The following SLC4A4 variants were observed in gnomAD, a reference collection of about 807,000 sequenced individuals.
The protein encoded by SLC4A4 is solute carrier family 4 member 4.
SLC4A4 carries 27 observed loss-of-function variants against 111.5 expected under a neutral mutation model. The observed-to-expected ratio is 0.24, with a 90% confidence interval of 0.18 to 0.33. The LOEUF (loss-of-function observed/expected upper bound fraction) is 0.33. SLC4A4 is among the 10% of genes least tolerant of loss of function. SLC4A4 has a pLI of 1.00. For missense variants in SLC4A4, 909 were observed against 1,315.5 expected (o/e 0.69, Z 4.78); for synonymous variants, 443 against 463.4 (o/e 0.96, Z 0.57).
intron 3 of SLC4A4, among the ~76,000 whole-genome samples, chr4:71,297,802 G>A (rs1368919640): frequency 1.3e-5 from 2 of 151,998 alleles, no homozygotes; most frequent in East Asian, 3.9e-4. Flanking sequence ...TGATTGGGCT[G>A]ATCTAGAACT....
Position 71,548,658 on chromosome 4 carries a change from A to G in SLC4A4, c.2694+938A>G, listed in dbSNP as rs557581237. Among the ~76,000 whole-genome samples, 4 of 152,046 alleles carry G rather than the reference A, an allele frequency of 2.6e-5. No individual in the cohort carries two copies. In the South Asian group the frequency reaches 8.3e-4, roughly 32 times the overall value. ...ATATCCTTCCAAATTTTCTCTTACA[A>G]TTTTTATTTTTAAACATTTTAATTT... On this transcript the variant is annotated intron_variant, in intron 20 of 25. Transcript: ENST00000264485.
rs190564864 is a variant in SLC4A4 at position 71,087,189 on chromosome 4, G to T, written c.-64-5541G>T. Among the ~76,000 whole-genome samples, 185 of 152,108 alleles carry T rather than the reference G, an allele frequency of 1.2e-3. 3 individuals carry two copies. The highest frequency in any genetic ancestry group is 4.3e-3 in the African/African-American group (180 of 41,404). ...TTCTTCTAGATTTTCTAGTTTATTT[G>T]CATAGAGGTGTTTACAGTATTCTCT... On this transcript the variant is annotated intron_variant, in intron 1 of 26. Coordinates refer to the SLC4A4 transcript ENST00000649996.
intron 2 of SLC4A4, among the ~76,000 whole-genome samples, chr4:71,111,465 G>A (rs1272330192): frequency 6.8e-6 from 1 of 146,360 alleles, no homozygotes; most frequent in East Asian, 2.1e-4. Context: ...GGGTTCAAGT[G>A]ATTCTCCTGC....
intron 3 of SLC4A4, among the ~76,000 whole-genome samples, chr4:71,318,831 T>C (rs1726902512): frequency 6.6e-6 from 1 of 151,858 alleles, no homozygotes; most frequent in African/African-American, 2.4e-5. Context: ...TTTTTTTTTT[T>C]TTTTTTAAGG....
At chr4:71,475,160 A>G (rs1728245529) in intron 14 of SLC4A4, among the ~76,000 whole-genome samples, 2 of 147,340 alleles carry the variant, frequency 1.4e-5, no homozygotes, top group African/African-American at 5.2e-5. Context: ...AAGATTTTCT[A>G]AAGGAAAAAA....
intron 16 of SLC4A4, among the ~76,000 whole-genome samples, chr4:71,498,749 CT>C (rs1352069794): frequency 6.6e-6 from 1 of 152,132 alleles, no homozygotes; most frequent in African/African-American, 2.4e-5. Context: ...AAGCATTCAA[CT>C]TAGTCTGCTT....
At chr4:71,132,325 A>G (rs1743728468) in intron 2 of SLC4A4, among the ~76,000 whole-genome samples, 1 of 152,150 alleles carries the variant, frequency 6.6e-6, no homozygotes, top group Non-Finnish European at 1.5e-5. Context: ...TAAAATGTAT[A>G]TCAGCTAACG....
At chr4:71,216,657 G>A (rs1490963632) in intron 1 of SLC4A4, among the ~76,000 whole-genome samples, 1 of 152,158 alleles carries the variant, frequency 6.6e-6, no homozygotes, top group Non-Finnish European at 1.5e-5. Context: ...ACTTTGGAAG[G>A]CTATCTGGTT....
chr4:71,233,973 C>T (rs1719625679), intron 1 of SLC4A4, among the ~76,000 whole-genome samples: 1 of 152,184 alleles, frequency 6.6e-6, no homozygotes, highest in African/African-American at 2.4e-5. Context: ...CTAAAGTTGA[C>T]CTTCTAGCCC....
At chr4:71,467,739 C>G (rs1364327760) in intron 13 of SLC4A4, among the ~76,000 whole-genome samples, 1 of 152,042 alleles carries the variant, frequency 6.6e-6, no homozygotes, top group Non-Finnish European at 1.5e-5. Flanking sequence ...CATTAATACA[C>G]AAATAGATTC....
At chr4:71,222,524 A>G (rs1008807399) in intron 1 of SLC4A4, among the ~76,000 whole-genome samples, 13 of 152,214 alleles carry the variant, frequency 8.5e-5, no homozygotes, top group Non-Finnish European at 1.5e-4. Flanking sequence ...CCATGGATTC[A>G]TCCTTCGTGC....
chr4:71,396,400 A>C (rs1486842911), intron 6 of SLC4A4, among the ~76,000 whole-genome samples: 1 of 152,336 alleles, frequency 6.6e-6, no homozygotes, highest in South Asian at 2.1e-4. Flanking sequence ...TTAGGGGCAG[A>C]TTTTAGTCTT....
intron 2 of SLC4A4, among the ~76,000 whole-genome samples, chr4:71,144,433 C>G (rs962122099): frequency 6.6e-6 from 1 of 152,128 alleles, no homozygotes; most frequent in African/African-American, 2.4e-5. Flanking sequence ...AATGCGGGCT[C>G]TTTTTTGGTT....
intron 3 of SLC4A4, among the ~76,000 whole-genome samples, chr4:71,322,377 G>T: frequency 6.6e-6 from 1 of 151,946 alleles, no homozygotes; most frequent in East Asian, 1.9e-4. Context: ...CTATAGGAAG[G>T]AGAATGTCTT....
At chr4:71,375,520 A>G (rs1732268429) in intron 6 of SLC4A4, among the ~76,000 whole-genome samples, 1 of 152,152 alleles carries the variant, frequency 6.6e-6, no homozygotes, top group African/African-American at 2.4e-5. Flanking sequence ...ATTCTCCTTG[A>G]AGGCTTCTTA....
At chr4:71,528,330 G>A (rs896776830) in intron 16 of SLC4A4, among the ~76,000 whole-genome samples, 1 of 151,968 alleles carries the variant, frequency 6.6e-6, no homozygotes, top group African/African-American at 2.4e-5. Context: ...TTAAATATGA[G>A]AGTTCAGAAT....
At chr4:71,147,694 T>G (rs1744215016) in intron 2 of SLC4A4, among the ~76,000 whole-genome samples, 1 of 152,128 alleles carries the variant, frequency 6.6e-6, no homozygotes, top group East Asian at 1.9e-4. Flanking sequence ...AACACAGAAT[T>G]AAAATCAGTA....
At chr4:71,374,300 T>A (rs957879347) in intron 6 of SLC4A4, among the ~76,000 whole-genome samples, 6 of 152,244 alleles carry the variant, frequency 3.9e-5, no homozygotes, top group Non-Finnish European at 7.3e-5. Context: ...TTTCCACGTA[T>A]ATTTTTGGCC....
At chr4:71,340,381 TA>T (rs1217096617) in intron 4 of SLC4A4, among the ~76,000 whole-genome samples, 1 of 152,254 alleles carries the variant, frequency 6.6e-6, no homozygotes, top group African/African-American at 2.4e-5. Context: ...CACACTTATA[TA>T]ACTGTTATTA....
Sources: gnomAD v4.1 joint callset for allele counts (sites outside exome capture counted in the v4.1 genomes callset) on GRCh38, gnomAD v4.1.1 for gene constraint, MANE v1.5 for transcripts, NCBI Gene and HGNC (gene_info 2026-07-23, HGNC 2026-07-21) for gene names.